Variants in FRY observed in about 807,000 individuals in gnomAD.
FRY encodes protein furry homolog.
A neutral mutation model predicts 348.4 loss-of-function variants in FRY; 128 were observed. That is an observed-to-expected ratio of 0.37 (90% CI 0.32 to 0.43). FRY has a LOEUF of 0.43. Ranked by LOEUF, FRY falls within the 20% of genes least tolerant of loss-of-function variation. The probability of loss-of-function intolerance (pLI) is 1.00; values close to 1 mark genes in which losing one functional copy is unlikely to be tolerated. For missense variants in FRY, 2,736 were observed against 3,695.2 expected (o/e 0.74, Z 6.73); for synonymous variants, 1,370 against 1,374.7 (o/e 1.00, Z 0.08).
In FRY at chr13:32,137,653, AAGAC is replaced by A. The variant is rs151188985; in HGVS notation, c.1179+684_1179+687del. ...TTAAGTTTTAGTAACCTATTGATAA[AAGAC>A]AGTGAAATGAAAACTATCCCTAACA... On this transcript the variant is annotated intron_variant, in intron 11 of 60. Transcript: ENST00000542859. 5.4e-3 allele frequency among the ~76,000 whole-genome samples: 818 copies of A among 152,364 alleles called. 5 individuals are homozygous for A. Among genetic ancestry groups the A allele is most frequent in the African/African-American group, 0.019 (787 of 41,584 alleles).
chr13:32,131,901 T>C (rs1879390979), intron 8 of FRY, 61 bp downstream of exon 8: 5 of 1,283,032 alleles, frequency 3.9e-6, no homozygotes, highest in Non-Finnish European at 5.7e-6. Context: ...TTCCTCAAAA[T>C]GATGAACCTG....
chr13:32,261,882 A>G, intron 52 of FRY, 66 bp downstream of exon 52: 1 of 1,433,000 alleles, frequency 7.0e-7, no homozygotes, highest in Non-Finnish European at 9.8e-7. Context: ...GCAGGAGGAC[A>G]GTTTCCAGTT....
intron 1 of FRY, among the ~76,000 whole-genome samples, chr13:32,059,471 A>T (rs1873813218): frequency 6.6e-6 from 1 of 151,790 alleles, no homozygotes; most frequent in South Asian, 2.1e-4. Flanking sequence ...AAAAAAAAAA[A>T]AAAAAATTTA....
intron 41 of FRY, among the ~76,000 whole-genome samples, chr13:32,234,077 G>T (rs1035778967): frequency 6.8e-6 from 1 of 147,748 alleles, no homozygotes. Flanking sequence ...TTGGGCCCAG[G>T]AGTTCATGAC....
chr13:32,113,687 C>T (rs1388949207), intron 3 of FRY, among the ~76,000 whole-genome samples: 1 of 152,164 alleles, frequency 6.6e-6, no homozygotes, highest in Non-Finnish European at 1.5e-5. Flanking sequence ...ATCAGGAGCA[C>T]AGAGCTAGAA....
intron 2 of FRY, among the ~76,000 whole-genome samples, chr13:32,101,312 G>A (rs1442156389): frequency 6.6e-6 from 1 of 152,104 alleles, no homozygotes; most frequent in Non-Finnish European, 1.5e-5. Flanking sequence ...TCTTTTTTAA[G>A]GCTAAATCGT....
chr13:32,089,752 C>T (rs1246091589), intron 2 of FRY, among the ~76,000 whole-genome samples: 1 of 149,850 alleles, frequency 6.7e-6, no homozygotes, highest in Non-Finnish European at 1.5e-5. Context: ...CAGAGTGAGA[C>T]CTTGTCTCCA....
chr13:32,133,138 G>A (rs1157630103), intron 8 of FRY, among the ~76,000 whole-genome samples: 1 of 152,176 alleles, frequency 6.6e-6, no homozygotes, highest in Non-Finnish European at 1.5e-5. Flanking sequence ...ATGCACAACT[G>A]TGATTATACT....
intron 41 of FRY, among the ~76,000 whole-genome samples, chr13:32,232,633 G>A (rs1885981204): frequency 6.6e-6 from 1 of 152,192 alleles, no homozygotes; most frequent in Admixed American, 6.5e-5. Flanking sequence ...GCCAGCAGGT[G>A]GAAGAAGAGA....
intron 3 of FRY, among the ~76,000 whole-genome samples, chr13:32,111,980 G>A (rs982268167): frequency 3.3e-5 from 5 of 152,192 alleles, no homozygotes; most frequent in Admixed American, 3.3e-4. Context: ...TCTAATGCAA[G>A]CATTTGCAAG....
In FRY at chr13:32,237,305, C is replaced by T; in HGVS notation, c.5811-74C>T. ...ATGATTTCCCTCCTGCAGTGTTTCT[C>T]AGTGGACTTGAAAGGACTGGCTTTT... On this transcript the variant is annotated intron_variant, in intron 43 of 60. Coordinates refer to ENST00000542859, the MANE Select transcript of FRY (RefSeq NM_023037.3). This position sits in a 1 kb window ranked among gnomAD's most constrained non-coding sequence, Gnocchi z 6.3. 2 of 1,418,084 alleles carry T rather than the reference C, an allele frequency of 1.4e-6. No individual in the cohort carries two copies. The highest frequency in any genetic ancestry group is 4.5e-5 in the East Asian group (2 of 44,048). The allele number at this position is 1,418,084 out of a possible 1,614,324, so 87.8% of individuals were successfully genotyped here. A position where few individuals can be genotyped will look rare whatever the true frequency, so the allele number is the denominator to read the frequency against.
At chr13:32,044,570 C>A (rs996817212) in intron 1 of FRY, among the ~76,000 whole-genome samples, 2 of 152,192 alleles carry the variant, frequency 1.3e-5, no homozygotes, top group African/African-American at 4.8e-5. Context: ...CAATCTGCTT[C>A]TGTCTCTAGA....
intron 11 of FRY, among the ~76,000 whole-genome samples, chr13:32,143,240 A>C (rs1880194821): frequency 6.6e-6 from 1 of 152,220 alleles, no homozygotes; most frequent in Non-Finnish European, 1.5e-5. Context: ...TTGTATTTTC[A>C]AGAATATCAT....
intron 58 of FRY, chr13:32,287,787 C>T (rs1391585588): frequency 1.7e-5 from 11 of 658,992 alleles, no homozygotes; most frequent in South Asian, 8.4e-5. Context: ...GGAAAAGGGC[C>T]GTGCTTTCTG....
chr13:32,247,761 G>T (rs1170955976), intron 48 of FRY, among the ~76,000 whole-genome samples: 1 of 152,148 alleles, frequency 6.6e-6, no homozygotes, highest in Non-Finnish European at 1.5e-5. Flanking sequence ...TTTAAAAATG[G>T]AACGATCATA....
In FRY at chr13:32,234,047, G is replaced by A. The variant is rs576893490; in HGVS notation, c.5528-527G>A. 3.6e-4 allele frequency among the ~76,000 whole-genome samples: 54 copies of A among 150,472 alleles called. 1 individual carries two copies. The highest frequency in any genetic ancestry group is 1.3e-3 in the African/African-American group (54 of 40,856). On this transcript the variant is annotated intron_variant, in intron 41 of 60. Coordinates refer to ENST00000542859, the MANE Select transcript of FRY (RefSeq NM_023037.3). Reference sequence around the variant, plus strand: ...CTCCTGTAATCCCAGCAACTCAGTAGGCTGAGGCAGGAGGATTTCTTGGGC... The same window carrying A: ...CTCCTGTAATCCCAGCAACTCAGTAAGCTGAGGCAGGAGGATTTCTTGGGC...
At chr13:32,277,718 A>C (rs1888602832) in intron 57 of FRY, among the ~76,000 whole-genome samples, 1 of 152,246 alleles carries the variant, frequency 6.6e-6, no homozygotes, top group East Asian at 1.9e-4. Flanking sequence ...TGACCTGCCC[A>C]AGGGCAAGAG....
chr13:32,266,944 A>ACTGCACT lies in FRY; in HGVS notation c.7947-224_7947-218dup, dbSNP rs563357894. 1.4e-3 allele frequency among the ~76,000 whole-genome samples: 218 copies of ACTGCACT among 152,310 alleles called. 1 individual carries two copies. The highest frequency in any genetic ancestry group is 3.4e-3 in the Middle Eastern group (1 of 294). On this transcript the variant is annotated intron_variant, in intron 54 of 60. Transcript: ENST00000542859. ...GGTTGCAGTGAGCCGAGATCATGCC[A>ACTGCACT]CTGCACTCCAGCCTGGGCGACAGAG...
At chr13:32,183,087 A>G in intron 24 of FRY, 53 bp downstream of exon 24, 1 of 1,064,648 alleles carries the variant, frequency 9.4e-7, no homozygotes, top group South Asian at 1.3e-5. Context: ...CAATCATCTG[A>G]ATTTAAATCA....
Sources: gnomAD v4.1 joint callset for allele counts (sites outside exome capture counted in the v4.1 genomes callset) on GRCh38, gnomAD v4.1.1 for gene constraint, Gnocchi (gnomAD v3.1) non-coding constraint, MANE v1.5 for transcripts, NCBI Gene and HGNC (gene_info 2026-07-23, HGNC 2026-07-21) for gene names.